BCL10: variants seen among roughly 807,000 people sequenced by gnomAD.
The protein encoded by BCL10 is BCL10 immune signaling adaptor, also known as B-cell lymphoma/leukemia 10.
Under a neutral mutation model 19.2 loss-of-function variants are expected in BCL10, and 5 were observed. That is an observed-to-expected ratio of 0.26 (90% CI 0.14 to 0.55). BCL10 has a LOEUF of 0.55. Among genes scored for constraint, BCL10 ranks in the 20% least tolerant of loss-of-function variants. The pLI, the probability that BCL10 is intolerant of heterozygous loss-of-function variation, is 0.94. For synonymous variants in BCL10, 110 were observed against 98.8 expected (o/e 1.11, Z -0.67); for missense variants, 201 against 271.9 (o/e 0.74, Z 1.83).
At chr1:85,269,658 C>T (rs1039440489) in intron 2 of BCL10, among the ~76,000 whole-genome samples, 5 of 152,204 alleles carry the variant, frequency 3.3e-5, no homozygotes, top group Admixed American at 6.5e-5. Context: ...TTCTGTATCC[C>T]TAATGCCTAG....
intron 2 of BCL10, among the ~76,000 whole-genome samples, chr1:85,268,381 T>C (rs1660261774): frequency 6.6e-6 from 1 of 152,242 alleles, no homozygotes; most frequent in African/African-American, 2.4e-5. Context: ...AAATTCTATC[T>C]GTTGATCAAT....
In BCL10 at chr1:85,276,591, G is replaced by A; in HGVS notation, c.-239C>T. The stretch of plus-strand genomic sequence containing the variant: ...TCTACGCGACGCGACGCGGAGCTCG[G>A]AGCAGCGTTCCTTCCCTCTCGTAGA... On this transcript the variant is annotated 5_prime_UTR_variant, in exon 1 of 3. Transcript: ENST00000648566. The A allele has an allele frequency of 3.4e-6, 2 of 591,538 alleles. No homozygotes were observed. The highest frequency in any genetic ancestry group is 3.0e-5 in the Admixed American group (1 of 33,416). The allele number at this position is 591,538 out of a possible 1,614,324, so 36.6% of individuals were successfully genotyped here. A position where few individuals can be genotyped will look rare whatever the true frequency, so the allele number is the denominator to read the frequency against.
intron 2 of BCL10, among the ~76,000 whole-genome samples, chr1:85,269,259 C>CT (rs1438150964): frequency 1.3e-5 from 2 of 152,184 alleles, no homozygotes; most frequent in African/African-American, 2.4e-5. Context: ...GTTACCCAGT[C>CT]TCAGGTATTG....
chr1:85,270,828 T>C lies in BCL10; in HGVS notation c.136A>G (p.Ile46Val), dbSNP rs1398422300. The change falls in exon 2 of 3, where the codon ATA (isoleucine) becomes GTA (valine). Residue 46 changes from isoleucine (I) to valine (V), a missense_variant. Coordinates refer to ENST00000648566, the MANE Select transcript of BCL10 (RefSeq NM_003921.5). ...TCTTCAGTGTCTTCTCTACTGAGTA[T>C]TTTTTTTGCACGTAGATGATCAAAA... ...RHFDHLRAKKILSREDTEEIS... is the reference protein window; with the variant it reads ...RHFDHLRAKKVLSREDTEEIS... 1.3e-6 allele frequency: 2 copies of C among 1,598,580 alleles called. No homozygotes were observed. Among genetic ancestry groups the C allele is most frequent in the Admixed American group, 1.7e-5 (1 of 58,434 alleles).
chr1:85,275,495 T>C (rs1042860010), intron 1 of BCL10, among the ~76,000 whole-genome samples: 1 of 152,260 alleles, frequency 6.6e-6, no homozygotes, highest in Non-Finnish European at 1.5e-5. Context: ...GTAAAAGTAC[T>C]GCAGTGTTCA....
intron 2 of BCL10, among the ~76,000 whole-genome samples, chr1:85,269,250 T>A (rs1466018890): frequency 6.6e-6 from 1 of 152,204 alleles, no homozygotes; most frequent in African/African-American, 2.4e-5. Context: ...TCTTTAAAAG[T>A]TACCCAGTCT....
In BCL10 at chr1:85,270,698, T is replaced by C. The variant is rs368393957; in HGVS notation, c.266A>G (p.Glu89Gly). 6.2e-7 allele frequency: 1 copy of C among 1,613,704 alleles called. No homozygotes were observed. Among genetic ancestry groups the C allele is most frequent in the Non-Finnish European group, 8.5e-7 (1 of 1,179,940 alleles). ...LDTLVESIRR[E>G]KTQNFLIQKI... ...CTGTATCAGGAAGTTCTGTGTTTTTTCTCGCCGAATAGATTCAACAAGGGT... is the reference window on the plus strand; with the variant it reads ...CTGTATCAGGAAGTTCTGTGTTTTTCCTCGCCGAATAGATTCAACAAGGGT... Residue 89 changes from glutamate (E) to glycine (G), a missense_variant, in exon 2 of 3, where the codon GAA becomes GGA. Glu to Gly is a moderately conservative substitution (Grantham distance 98). Around this residue, in one of 3 missense-constraint regions of BCL10, gnomAD observed 51 missense variants for 118.8 expected, o/e 0.43. Coordinates refer to ENST00000648566, the MANE Select transcript of BCL10 (RefSeq NM_003921.5).
rs748960673 is a variant in BCL10, at chr1:85,266,705, C to T, written c.*922G>A. ...TGGCCAACATGGCAAAACACCGTCT[C>T]TACAAAAATAATACAAAAATTAGTG... is the stretch of plus-strand genomic sequence containing the variant. On this transcript the variant is annotated 3_prime_UTR_variant, in exon 3 of 3. Coordinates refer to ENST00000648566, the MANE Select transcript of BCL10 (RefSeq NM_003921.5). 5 of 179,898 alleles carry T rather than the reference C, an allele frequency of 2.8e-5. No homozygotes were observed. Among genetic ancestry groups the T allele is most frequent in the African/African-American group, 1.2e-4 (5 of 42,300 alleles). 11.1% of individuals were successfully genotyped at this position (179,898 alleles called of 1,614,324 possible). A position where few individuals can be genotyped will look rare whatever the true frequency, so the allele number is the denominator to read the frequency against.
chr1:85,275,640 C>T (rs1660499761), intron 1 of BCL10, among the ~76,000 whole-genome samples: 1 of 152,184 alleles, frequency 6.6e-6, no homozygotes, highest in Non-Finnish European at 1.5e-5. Flanking sequence ...TCAACAAAGC[C>T]ATTCGTTACG....
Position 85,267,758 on chromosome 1 carries a change from T to C in BCL10, c.571A>G (p.Thr191Ala), listed in dbSNP as rs777846670. 6.2e-7 allele frequency: 1 copy of C among 1,614,204 alleles called. No individual in the cohort carries two copies. Residue 191 changes from threonine (T) to alanine (A), a missense_variant, in exon 3 of 3, where the codon ACA becomes GCA. Around this residue, in one of 3 missense-constraint regions of BCL10, gnomAD observed 126 missense variants for 136.6 expected, o/e 0.92. Coordinates refer to ENST00000648566, the MANE Select transcript of BCL10 (RefSeq NM_003921.5). ...RTENTIFSST[T>A]LPRPGDPGAP... The stretch of plus-strand genomic sequence containing the variant: ...CCTGGGTCCCCAGGTCTGGGAAGTG[T>C]AGTTGAAGAGAAGATGGTATTTTCA...
At chr1:85,273,428 C>A (rs1660421408) in intron 1 of BCL10, among the ~76,000 whole-genome samples, 1 of 152,162 alleles carries the variant, frequency 6.6e-6, no homozygotes, top group Non-Finnish European at 1.5e-5. Context: ...GTTGTTGTTA[C>A]CCTACTTTCA....
At position 85,267,208 on chromosome 1, in the gene BCL10, GA is replaced by G. The variant is rs1468653846; in HGVS notation, c.*418del. On this transcript the variant is annotated 3_prime_UTR_variant, in exon 3 of 3. Transcript: ENST00000648566. ...AGTGACCGGTTTTATTACTGAACAG[GA>G]ACAGCTTAATGCTGAAAATTTGCTG... The G allele has an allele frequency of 9.6e-6, 2 of 208,296 alleles. No homozygotes were observed. The highest frequency in any genetic ancestry group is 9.8e-6 in the Non-Finnish European group (1 of 102,220). 12.9% of individuals were successfully genotyped at this position (208,296 alleles called of 1,614,324 possible).
In BCL10 at chr1:85,276,381, G is replaced by A; in HGVS notation, c.-29C>T. On this transcript the variant is annotated 5_prime_UTR_variant, in exon 1 of 3. Transcript: ENST00000648566. ...GGAGGCGGGAGATGGCGCTTCTTCC[G>A]GGTCCGGGAGCTCGGGCTGCGCCGC... 1.2e-6 allele frequency: 2 copies of A among 1,612,952 alleles called. No homozygotes were observed. Among genetic ancestry groups the A allele is most frequent in the Non-Finnish European group, 1.7e-6 (2 of 1,179,376 alleles).
At chr1:85,274,873 T>G (rs1432735225) in intron 1 of BCL10, among the ~76,000 whole-genome samples, 1 of 152,260 alleles carries the variant, frequency 6.6e-6, no homozygotes, top group Admixed American at 6.5e-5. Flanking sequence ...GGTTATTTAT[T>G]TCTGATATAG....
Position 85,265,850 on chromosome 1 carries a change from CTA to C in BCL10, c.*1775_*1776del, listed in dbSNP as rs1224573565. On this transcript the variant is annotated 3_prime_UTR_variant, in exon 3 of 3. Transcript: ENST00000648566. ...AAGAAAACTCAGTGTTAAAACTTAT[CTA>C]TATATAGGTGTTATTGTATATCTAA... Among the ~76,000 whole-genome samples, 2 of 152,144 alleles carry C rather than the reference CTA, an allele frequency of 1.3e-5. No individual in the cohort carries two copies. The highest frequency in any genetic ancestry group is 4.8e-5 in the African/African-American group (2 of 41,436).
chr1:85,269,179 T>G (rs1375949190), intron 2 of BCL10, among the ~76,000 whole-genome samples: 1 of 152,256 alleles, frequency 6.6e-6, no homozygotes, highest in Non-Finnish European at 1.5e-5. Flanking sequence ...TGCCAGATGC[T>G]GGCGCCATGG....
At position 85,267,078 on chromosome 1, in the gene BCL10, T is replaced by G. The variant is rs1007594377; in HGVS notation, c.*549A>C. ...AACCGAGATCTTAGGTGGCTCACAC[T>G]CCATCAAGTGTTCCTCCAGTATCAA... On this transcript the variant is annotated 3_prime_UTR_variant, in exon 3 of 3. Coordinates refer to ENST00000648566, the MANE Select transcript of BCL10 (RefSeq NM_003921.5). 1 of 189,506 alleles carries G rather than the reference T, an allele frequency of 5.3e-6. No homozygotes were observed. The highest frequency in any genetic ancestry group is 2.3e-5 in the African/African-American group (1 of 42,888). The allele number at this position is 189,506 out of a possible 1,614,324, so 11.7% of individuals were successfully genotyped here. A position where few individuals can be genotyped will look rare whatever the true frequency, so the allele number is the denominator to read the frequency against.
rs1169292747 is a variant in BCL10 at position 85,276,303 on chromosome 1, T to C, written c.50A>G (p.Lys17Arg). 6.2e-7 allele frequency: 1 copy of C among 1,612,788 alleles called. No homozygotes were observed. The highest frequency in any genetic ancestry group is 1.7e-5 in the Admixed American group (1 of 59,946). ...CACAGCTGCGTTACTCACGTCCTTC[T>C]TCACTTCAGTGAGGTCCTCCTCGGT... ...SLTEEDLTEV[K>R]KDALENLRVY... The change falls in exon 1 of 3, where the codon AAG becomes AGG. Residue 17 changes from lysine (K) to arginine (R), a missense_variant. Around this residue, in one of 3 missense-constraint regions of BCL10, gnomAD observed 51 missense variants for 118.8 expected, o/e 0.43. Coordinates refer to ENST00000648566, the MANE Select transcript of BCL10 (RefSeq NM_003921.5).
At position 85,267,711 on chromosome 1, in the gene BCL10, A is replaced by G; in HGVS notation, c.618T>C (p.Asp206=). The change falls in exon 3 of 3, where the codon GAT becomes GAC. Residue 206 remains aspartate (D), a synonymous_variant. Transcript: ENST00000648566. ...GDPGAPPLPP[D]LQLEEEGTCA... ...AAGTTCCTTCTTCTTCTAACTGTAG[A>G]TCTGGTGGCAAAGGAGGAGCCCCTG... is the stretch of plus-strand genomic sequence containing the variant. The G allele has an allele frequency of 6.2e-7, 1 of 1,614,248 alleles. No individual in the cohort carries two copies. Among genetic ancestry groups the G allele is most frequent in the Non-Finnish European group, 8.5e-7 (1 of 1,180,048 alleles).
Sources: allele counts gnomAD v4.1 joint callset (sites outside exome capture counted in the v4.1 genomes callset), GRCh38; gene constraint gnomAD v4.1.1; regional missense constraint gnomAD v4.1.1; transcripts MANE v1.5; gene names NCBI Gene and HGNC (gene_info 2026-07-23, HGNC 2026-07-21).